DNM3: variants seen among roughly 807,000 people sequenced by gnomAD.
DNM3 encodes dynamin 3, also known as dynamin-3.
In DNM3, 47 loss-of-function variants were observed where a neutral mutation model predicts 101.6. The observed-to-expected ratio is 0.46, with a 90% CI of 0.37 to 0.59. The LOEUF (loss-of-function observed/expected upper bound fraction) is 0.59, where lower values mean the gene tolerates loss of function less well. DNM3 is among the 20% of genes least tolerant of loss of function. The probability of loss-of-function intolerance (pLI) is 0.00; values close to 1 mark genes in which losing one functional copy is unlikely to be tolerated. For synonymous variants in DNM3, 385 were observed against 387.9 expected, an observed-to-expected ratio of 0.99 and a Z score of 0.09; for missense variants, 849 against 1,085.7, an observed-to-expected ratio of 0.78 and a Z score of 3.06.
At chr1:172,124,706 A>G (rs1235678496) in intron 13 of DNM3, among the ~76,000 whole-genome samples, 2 of 152,194 alleles carry the variant, frequency 1.3e-5, no homozygotes, top group Non-Finnish European at 2.9e-5. Flanking sequence ...CCTGGCCCAG[A>G]GCACGGAATG....
chr1:171,866,130 C>T (rs776725386), intron 1 of DNM3, among the ~76,000 whole-genome samples: 3 of 152,122 alleles, frequency 2.0e-5, no homozygotes, highest in Non-Finnish European at 4.4e-5. Flanking sequence ...AGCTTACTTT[C>T]CTCTTGCCTG....
intron 13 of DNM3, among the ~76,000 whole-genome samples, chr1:172,099,921 A>G (rs2054517465): frequency 6.6e-6 from 1 of 152,246 alleles, no homozygotes; most frequent in African/African-American, 2.4e-5. Context: ...GTTAGGGGCC[A>G]GGAGGACTGA....
chr1:172,338,356 A>T (rs1033726050), intron 17 of DNM3, among the ~76,000 whole-genome samples: 1 of 151,970 alleles, frequency 6.6e-6, no homozygotes, highest in African/African-American at 2.4e-5. Context: ...CATTGAGGAG[A>T]ATTTTTAAAC....
intron 15 of DNM3, among the ~76,000 whole-genome samples, chr1:172,291,799 G>A (rs1011544656): frequency 3.9e-5 from 6 of 152,144 alleles, no homozygotes; most frequent in Admixed American, 2.0e-4. Context: ...TGGCAATCTG[G>A]ATACAGGGTC....
chr1:172,361,513 CTT>C, intron 17 of DNM3, among the ~76,000 whole-genome samples: 1 of 152,076 alleles, frequency 6.6e-6, no homozygotes, highest in South Asian at 2.1e-4. Context: ...ACTTATATCT[CTT>C]TACTGCAGGG....
chr1:172,414,090 A>G (rs1392722949), downstream of DNM3, among the ~76,000 whole-genome samples: 1 of 152,236 alleles, frequency 6.6e-6, no homozygotes, highest in African/African-American at 2.4e-5. Flanking sequence ...ACATATGCTC[A>G]ATCTGTTTCC....
intron 14 of DNM3, among the ~76,000 whole-genome samples, chr1:172,156,985 G>A (rs975794293): frequency 6.6e-6 from 1 of 152,056 alleles, no homozygotes; most frequent in Non-Finnish European, 1.5e-5. Flanking sequence ...TGGCACCGGG[G>A]ACTGGTTTCA....
chr1:172,061,512 G>A (rs890605042), intron 10 of DNM3, among the ~76,000 whole-genome samples: 2 of 151,442 alleles, frequency 1.3e-5, no homozygotes, highest in African/African-American at 4.9e-5. Context: ...GGAATACTAT[G>A]CAGCCATAAA....
chr1:172,131,123 C>G, intron 13 of DNM3, 52 bp from the exon 14 acceptor site: 2 of 1,495,850 alleles, frequency 1.3e-6, no homozygotes, highest in South Asian at 1.2e-5. Flanking sequence ...CATCTAATCT[C>G]CAGTGGCTTT....
chr1:171,881,746 C>T (rs1452431285), intron 1 of DNM3, among the ~76,000 whole-genome samples: 4 of 123,732 alleles, frequency 3.2e-5, no homozygotes, highest in African/African-American at 9.0e-5. Context: ...CTTTGGCCTC[C>T]AGTGGGTGCT....
chr1:172,195,762 A>G (rs1225496068), intron 14 of DNM3, among the ~76,000 whole-genome samples: 5 of 151,964 alleles, frequency 3.3e-5, no homozygotes, highest in Non-Finnish European at 5.9e-5. Context: ...CATACCTGGA[A>G]TAAATCTCAC....
intron 1 of DNM3, among the ~76,000 whole-genome samples, chr1:171,847,830 TA>T (rs1313976418): frequency 6.6e-6 from 1 of 151,758 alleles, no homozygotes; most frequent in South Asian, 2.1e-4. Flanking sequence ...TTTCATGAAT[TA>T]AAAATCATTT....
At chr1:172,247,098 C>T (rs1233411287) in intron 14 of DNM3, among the ~76,000 whole-genome samples, 1 of 152,030 alleles carries the variant, frequency 6.6e-6, no homozygotes, top group African/African-American at 2.4e-5. Flanking sequence ...CACTACTGTC[C>T]TGTCTTTGGA....
intron 20 of DNM3, among the ~76,000 whole-genome samples, chr1:172,390,496 G>A (rs557431500): frequency 6.6e-6 from 1 of 152,226 alleles, no homozygotes; most frequent in African/African-American, 2.4e-5. Context: ...ATTGTAAGAT[G>A]TTTAGCAGCA....
intron 18 of DNM3, among the ~76,000 whole-genome samples, chr1:172,381,176 C>A (rs1170093140): frequency 6.6e-6 from 1 of 151,732 alleles, no homozygotes; most frequent in Non-Finnish European, 1.5e-5. Context: ...AATGGCTAAA[C>A]CTCCACCTAC....
At chr1:172,229,690 T>C (rs2061260214) in intron 14 of DNM3, among the ~76,000 whole-genome samples, 1 of 152,144 alleles carries the variant, frequency 6.6e-6, no homozygotes, top group African/African-American at 2.4e-5. Context: ...TCCTTTTCAT[T>C]ACATAGATAT....
intron 20 of DNM3, chr1:172,394,403 A>T (rs2069790237): frequency 6.6e-6 from 1 of 152,232 alleles, no homozygotes; most frequent in Admixed American, 6.5e-5. Context: ...TCTTCCAAAC[A>T]TCCTATGCTG....
At chr1:172,253,755 GA>G in intron 15 of DNM3, 73 bp downstream of exon 15, 1 of 970,062 alleles carries the variant, frequency 1.0e-6, no homozygotes. Flanking sequence ...GATCATATTT[GA>G]AAATAGTTCC....
intron 13 of DNM3, among the ~76,000 whole-genome samples, chr1:172,110,227 G>A (rs564069581): frequency 5.9e-5 from 9 of 152,002 alleles, no homozygotes; most frequent in Admixed American, 5.2e-4. Flanking sequence ...TTCCATTATT[G>A]CCAAAACATC....
Sources: gnomAD v4.1 joint callset for allele counts (sites outside exome capture counted in the v4.1 genomes callset) on GRCh38, gnomAD v4.1.1 for gene constraint, MANE v1.5 for transcripts, NCBI Gene and HGNC (gene_info 2026-07-23, HGNC 2026-07-21) for gene names.